The following UBAC2 variants were observed in gnomAD, a reference collection of about 807,000 sequenced individuals.
The protein encoded by UBAC2 is ubiquitin-associated domain-containing protein 2.
A neutral mutation model predicts 44.0 loss-of-function variants in UBAC2; 26 were observed. The ratio of observed to expected loss-of-function variants is 0.59; its 90% CI spans 0.43 to 0.82. The LOEUF (loss-of-function observed/expected upper bound fraction) is 0.82. UBAC2 is among the 40% of genes least tolerant of loss of function. The pLI, the probability that UBAC2 is intolerant of heterozygous loss-of-function variation, is 0.00. For missense variants in UBAC2, 329 were observed against 419.4 expected (o/e 0.78, Z 1.88); for synonymous variants, 155 against 154.3 (o/e 1.00, Z -0.04).
chr13:99,309,987 G>A lies in UBAC2; in HGVS notation c.390-4110G>A, dbSNP rs547042255. ...TCTCTGTTATTTTATGTTTTCTATC[G>A]AGTGCGATCATGAATATATAGCAGT... is the stretch of plus-strand genomic sequence containing the variant. On this transcript the variant is annotated intron_variant, in intron 4 of 8. Coordinates refer to ENST00000403766, the MANE Select transcript of UBAC2 (RefSeq NM_001144072.2). Among the ~76,000 whole-genome samples, 23 of 152,292 alleles carry A rather than the reference G, an allele frequency of 1.5e-4. No individual in the cohort carries two copies. The South Asian group carries it at 2.1e-3, about 14-fold the overall frequency.
At chr13:99,383,740 G>A (rs897343260) in intron 8 of UBAC2, among the ~76,000 whole-genome samples, 7 of 139,912 alleles carry the variant, frequency 5.0e-5, no homozygotes, top group African/African-American at 1.5e-4. Flanking sequence ...TGACATGGGC[G>A]GCACCCCCCG....
At position 99,335,460 on chromosome 13, in the gene UBAC2, C is replaced by G. The variant is rs371852181; in HGVS notation, c.562-4860C>G. Among the ~76,000 whole-genome samples, 4 of 152,142 alleles carry G rather than the reference C, an allele frequency of 2.6e-5. No homozygotes were observed. The South Asian group carries it at 6.2e-4, about 24-fold the overall frequency. On this transcript the variant is annotated intron_variant, in intron 6 of 8. Coordinates refer to ENST00000403766, the MANE Select transcript of UBAC2 (RefSeq NM_001144072.2). ...TTACAGAGAATGCCTCTGCCTACCC[C>G]CTACCCTGTCCCCCATCACCCCTCT...
chr13:99,351,867 C>T (rs1365869808), intron 7 of UBAC2: 1 of 420,344 alleles, frequency 2.4e-6, no homozygotes, highest in Admixed American at 2.7e-5. Flanking sequence ...TGATTATCAC[C>T]TCTGTGTTTT....
chr13:99,280,540 C>T (rs2043939204), intron 4 of UBAC2, among the ~76,000 whole-genome samples: 1 of 152,174 alleles, frequency 6.6e-6, no homozygotes. Flanking sequence ...TAACTTTGTG[C>T]TTGTAAGTTA....
chr13:99,370,278 T>C (rs1324205410), intron 8 of UBAC2, among the ~76,000 whole-genome samples: 2 of 152,200 alleles, frequency 1.3e-5, no homozygotes, highest in African/African-American at 4.8e-5. Flanking sequence ...AGTGTGTGAT[T>C]GTGTGTATGT....
chr13:99,382,802 G>A (rs1028469403), intron 8 of UBAC2, among the ~76,000 whole-genome samples: 1 of 152,098 alleles, frequency 6.6e-6, no homozygotes, highest in East Asian at 1.9e-4. Context: ...AAAAGGCAGG[G>A]GCCCCAAGAC....
At chr13:99,374,914 G>A (rs1258164989) in intron 8 of UBAC2, among the ~76,000 whole-genome samples, 2 of 152,212 alleles carry the variant, frequency 1.3e-5, no homozygotes, top group Non-Finnish European at 2.9e-5. Context: ...CGAAGGTGTG[G>A]CCAGTAAACT....
At chr13:99,243,798 C>G in intron 2 of UBAC2, 34 bp from the exon 3 acceptor site, 2 of 1,540,384 alleles carry the variant, frequency 1.3e-6, no homozygotes, top group Non-Finnish European at 1.7e-6. Context: ...AAATTTTACT[C>G]TTGTTTATTG....
At chr13:99,336,050 G>C (rs2390237) in intron 6 of UBAC2, among the ~76,000 whole-genome samples, 58,483 of 151,302 alleles carry the variant, frequency 0.39, 12,688 homozygotes, top group East Asian at 0.64. Context: ...TTACATTTTT[G>C]CCAGTTGCTG....
intron 4 of UBAC2, among the ~76,000 whole-genome samples, chr13:99,282,169 A>T (rs1372790988): frequency 6.6e-6 from 1 of 152,166 alleles, no homozygotes; most frequent in Non-Finnish European, 1.5e-5. Flanking sequence ...TCCTTTCCCC[A>T]GTCTTACCCC....
At chr13:99,331,487 A>G (rs902486729) in intron 6 of UBAC2, among the ~76,000 whole-genome samples, 1 of 152,248 alleles carries the variant, frequency 6.6e-6, no homozygotes, top group African/African-American at 2.4e-5. Context: ...TGGTTTTCCA[A>G]GAATCAGAAG....
intron 1 of UBAC2, chr13:99,215,574 A>T: frequency 7.3e-7 from 1 of 1,379,140 alleles, no homozygotes; most frequent in Non-Finnish European, 1.0e-6. Flanking sequence ...CTCTGCGGTG[A>T]GGTACTCCAG....
At chr13:99,365,700 C>A (rs1010440828) in intron 7 of UBAC2, among the ~76,000 whole-genome samples, 1 of 151,948 alleles carries the variant, frequency 6.6e-6, no homozygotes, top group Non-Finnish European at 1.5e-5. Context: ...TTTGTAAATA[C>A]TTTAAATGTA....
rs562250294 is a variant in UBAC2 at position 99,266,659 on chromosome 13, G to A, written c.389+22035G>A. Among the ~76,000 whole-genome samples the A allele has an allele frequency of 2.0e-5, 3 of 152,118 alleles. No individual in the cohort carries two copies. The East Asian group carries it at 5.8e-4, about 29-fold the overall frequency. On this transcript the variant is annotated intron_variant, in intron 4 of 8. Coordinates refer to ENST00000403766, the MANE Select transcript of UBAC2 (RefSeq NM_001144072.2). ...TACTAAGATATTAAACATAAATGTG[G>A]CCTTAGAACAAATTTGACATGTTAA...
chr13:99,279,326 A>G (rs948960801), intron 4 of UBAC2, among the ~76,000 whole-genome samples: 1 of 152,220 alleles, frequency 6.6e-6, no homozygotes, highest in Non-Finnish European at 1.5e-5. Context: ...TGTATCTAGA[A>G]TGAAGGATGT....
At chr13:99,257,467 A>G (rs751537691) in intron 4 of UBAC2, among the ~76,000 whole-genome samples, 3 of 152,156 alleles carry the variant, frequency 2.0e-5, no homozygotes, top group Non-Finnish European at 4.4e-5. Context: ...CTTACAAACC[A>G]TCTTGAGTCT....
intron 4 of UBAC2, among the ~76,000 whole-genome samples, chr13:99,265,052 C>T (rs776487636): frequency 1.9e-4 from 29 of 150,832 alleles, no homozygotes; most frequent in Non-Finnish European, 4.1e-4. Flanking sequence ...CTCTTGGAGA[C>T]ATTATAATCA....
chr13:99,244,063 T>A, intron 3 of UBAC2, 112 bp downstream of exon 3: 1 of 893,202 alleles, frequency 1.1e-6, no homozygotes, highest in Non-Finnish European at 1.6e-6. Context: ...TCTTTTTAAT[T>A]ACACTATTCT....
intron 8 of UBAC2, among the ~76,000 whole-genome samples, chr13:99,381,753 C>T (rs57922081): frequency 6.6e-6 from 1 of 152,304 alleles, no homozygotes; most frequent in South Asian, 2.1e-4. Context: ...CCCTGCACAA[C>T]CTGATGGAGG....
Sources: allele counts gnomAD v4.1 joint callset (sites outside exome capture counted in the v4.1 genomes callset), GRCh38; gene constraint gnomAD v4.1.1; transcripts MANE v1.5; gene names NCBI Gene and HGNC (gene_info 2026-07-23, HGNC 2026-07-21).